The following APBB1IP variants were observed in gnomAD, a reference collection of about 807,000 sequenced individuals.
APBB1IP encodes amyloid beta A4 precursor protein-binding family B member 1-interacting protein.
In APBB1IP, 27 loss-of-function variants were observed where a neutral mutation model predicts 64.9. The ratio of observed to expected loss-of-function variants is 0.42; its 90% CI spans 0.31 to 0.57. The LOEUF (loss-of-function observed/expected upper bound fraction) is 0.57, where lower values mean the gene tolerates loss of function less well. APBB1IP is among the 20% of genes least tolerant of loss of function. The pLI, the probability that APBB1IP is intolerant of heterozygous loss-of-function variation, is 0.20. For synonymous variants in APBB1IP, 392 were observed against 331.0 expected (o/e 1.18, Z -2.00); for missense variants, 812 against 845.5 (o/e 0.96, Z 0.49).
chr10:26,471,492 C>T (rs188823993), intron 2 of APBB1IP, among the ~76,000 whole-genome samples: 2 of 152,194 alleles, frequency 1.3e-5, no homozygotes, highest in African/African-American at 2.4e-5. Flanking sequence ...CTAAGAAATG[C>T]AGGAAAAGAA....
Position 26,476,989 on chromosome 10 carries a change from C to CG in APBB1IP, c.1-15334dup, listed in dbSNP as rs1588577176. ...CTAATTTTTGTATTTTTAGTAGAGG[C>CG]GGGGTTTCACCATATTGGCCAGGCT... On this transcript the variant is annotated intron_variant, in intron 2 of 14. Coordinates refer to ENST00000376236, the MANE Select transcript of APBB1IP (RefSeq NM_019043.4). Among the ~76,000 whole-genome samples, 3 of 151,952 alleles carry CG rather than the reference C, an allele frequency of 2.0e-5. No individual in the cohort carries two copies. In the East Asian group the frequency reaches 5.8e-4, roughly 29 times the overall value.
At chr10:26,464,778 T>TAA (rs1196774531) in intron 2 of APBB1IP, among the ~76,000 whole-genome samples, 2 of 152,176 alleles carry the variant, frequency 1.3e-5, no homozygotes, top group African/African-American at 4.8e-5. Flanking sequence ...CCAAGTTAAG[T>TAA]AAGTTACTCA....
intron 8 of APBB1IP, among the ~76,000 whole-genome samples, chr10:26,516,484 C>T (rs1373289712): frequency 2.3e-5 from 3 of 131,562 alleles, no homozygotes; most frequent in Non-Finnish European, 3.1e-5. Context: ...GCAGAGGATG[C>T]AGTAAGCCGA....
chr10:26,562,588 T>C (rs1427474802), intron 14 of APBB1IP, among the ~76,000 whole-genome samples, 159 bp downstream of exon 14: 1 of 151,790 alleles, frequency 6.6e-6, no homozygotes, highest in Non-Finnish European at 1.5e-5. Flanking sequence ...TCACTTGAGC[T>C]TCAGTTTGAG....
At chr10:26,538,186 A>AATATATATAATGCAAACC (rs1373973707) in intron 10 of APBB1IP, among the ~76,000 whole-genome samples, 1 of 152,204 alleles carries the variant, frequency 6.6e-6, no homozygotes, top group East Asian at 1.9e-4. Flanking sequence ...TTACACAAAC[A>AATATATATAATGCAAACC]ATATATATAA....
intron 2 of APBB1IP, among the ~76,000 whole-genome samples, chr10:26,469,625 T>C (rs1377710069): frequency 2.6e-5 from 4 of 152,214 alleles, no homozygotes; most frequent in Non-Finnish European, 5.9e-5. Flanking sequence ...TTTAGATTCA[T>C]TGGATACGTG....
In APBB1IP at chr10:26,562,062, G is replaced by C. The variant is rs41279920; in HGVS notation, c.1370-264G>C. 4.8e-3 allele frequency: 1,781 copies of C among 367,276 alleles called. 12 individuals are homozygous for C. The highest frequency in any genetic ancestry group is 5.9e-3 in the Non-Finnish European group (1,137 of 193,846). The allele number at this position is 367,276 out of a possible 1,614,324, so 22.8% of individuals were successfully genotyped here. On this transcript the variant is annotated intron_variant, in intron 13 of 14. Transcript: ENST00000376236. ...TCCTCAGTGGGCTTTATCAAATACCGTACTCACCTTCCTGATCTTTTTGCT... is the reference window on the plus strand; with the variant it reads ...TCCTCAGTGGGCTTTATCAAATACCCTACTCACCTTCCTGATCTTTTTGCT...
Position 26,567,695 on chromosome 10 carries a change from A to C in APBB1IP, c.*207A>C. 1 of 1,221,574 alleles carries C rather than the reference A, an allele frequency of 8.2e-7. No homozygotes were observed. The highest frequency in any genetic ancestry group is 1.1e-6 in the Non-Finnish European group (1 of 947,210). The allele number at this position is 1,221,574 out of a possible 1,614,324, so 75.7% of individuals were successfully genotyped here. A position where few individuals can be genotyped will look rare whatever the true frequency, so the allele number is the denominator to read the frequency against. Reference sequence around the variant, plus strand: ...GTACATATCGTTCCCATGTATTTTAACCTAAATGGAATGTATCTTCCCTTC... The same window carrying C: ...GTACATATCGTTCCCATGTATTTTACCCTAAATGGAATGTATCTTCCCTTC... On this transcript the variant is annotated 3_prime_UTR_variant, in exon 15 of 15. Transcript: ENST00000376236.
intron 11 of APBB1IP, among the ~76,000 whole-genome samples, chr10:26,550,099 G>C (rs1024801550): frequency 1.3e-5 from 2 of 151,208 alleles, no homozygotes; most frequent in African/African-American, 4.9e-5. Flanking sequence ...GGCCTGCAAG[G>C]TTTCTGCTAA....
chr10:26,512,561 A>G (rs543551966), intron 7 of APBB1IP, among the ~76,000 whole-genome samples: 1 of 152,074 alleles, frequency 6.6e-6, no homozygotes, highest in Non-Finnish European at 1.5e-5. Flanking sequence ...GAATTTTTCA[A>G]AAGTGGAAAA....
intron 9 of APBB1IP, among the ~76,000 whole-genome samples, chr10:26,535,554 ATTCT>A (rs1836610654): frequency 1.3e-5 from 2 of 152,108 alleles, no homozygotes; most frequent in Admixed American, 1.3e-4. Context: ...GGTCTTATTC[ATTCT>A]TTCTATTTTT....
At chr10:26,479,663 G>C (rs1183257220) in intron 2 of APBB1IP, among the ~76,000 whole-genome samples, 1 of 152,168 alleles carries the variant, frequency 6.6e-6, no homozygotes, top group Non-Finnish European at 1.5e-5. Flanking sequence ...TAATCTTTAT[G>C]ATGATTAAAT....
intron 6 of APBB1IP, among the ~76,000 whole-genome samples, chr10:26,508,976 TC>T (rs1836219049): frequency 6.6e-6 from 1 of 152,254 alleles, no homozygotes; most frequent in Non-Finnish European, 1.5e-5. Flanking sequence ...ACATCATTAA[TC>T]TTTCCATCAG....
At chr10:26,458,235 A>C (rs1163544280) in intron 2 of APBB1IP, among the ~76,000 whole-genome samples, 1 of 152,190 alleles carries the variant, frequency 6.6e-6, no homozygotes, top group African/African-American at 2.4e-5. Context: ...TGAAAATATA[A>C]AAATTAGCTG....
intron 2 of APBB1IP, among the ~76,000 whole-genome samples, chr10:26,453,685 G>A (rs545379621): frequency 6.6e-6 from 1 of 152,150 alleles, no homozygotes; most frequent in South Asian, 2.1e-4. Flanking sequence ...AGGCCTCAAG[G>A]GACAGTTGCC....
rs766226916 is a variant in APBB1IP, at chr10:26,511,834, C to A, written c.619C>A (p.Leu207Ile). 18 of 1,614,172 alleles carry A rather than the reference C, an allele frequency of 1.1e-5. No homozygotes were observed. The highest frequency in any genetic ancestry group is 1.5e-5 in the Non-Finnish European group (18 of 1,180,026). Residue 207 changes from leucine (L) to isoleucine (I), a missense_variant, in exon 7 of 15, where the codon CTT becomes ATT. By Grantham distance (5) the Leu-to-Ile change is conservative. This residue lies in a region of APBB1IP where 394 missense variants were observed against 413.1 expected (regional missense o/e 0.95). Coordinates refer to ENST00000376236, the MANE Select transcript of APBB1IP (RefSeq NM_019043.4). ...RQLARDVLDN[L>I]FEKTHCDCNV... is the part of the protein sequence containing the mutation. The stretch of plus-strand genomic sequence containing the variant: ...GCTGGCCCGAGATGTTCTGGACAAC[C>A]TTTTCGAGAAAACTCATTGTGACTG...
At chr10:26,505,872 G>A (rs1342710733) in intron 6 of APBB1IP, among the ~76,000 whole-genome samples, 2 of 152,222 alleles carry the variant, frequency 1.3e-5, no homozygotes, top group Non-Finnish European at 2.9e-5. Flanking sequence ...AAAAGTCTCC[G>A]ATGTCTGACC....
At chr10:26,503,051 G>T in intron 5 of APBB1IP, 146 bp from the exon 6 acceptor site, 1 of 692,534 alleles carries the variant, frequency 1.4e-6, no homozygotes, top group East Asian at 2.7e-5. Flanking sequence ...CCTTTAAAAA[G>T]TAATTAATAA....
rs182083841 is a variant in APBB1IP, at chr10:26,525,455, G to A, written c.814-7984G>A. ...CTCTTGTTCTAGGGGTATCAGCCAT[G>A]ACCTCTGCAATGGGTGAGGAAAAGG... On this transcript the variant is annotated intron_variant, in intron 8 of 14. Coordinates refer to ENST00000376236, the MANE Select transcript of APBB1IP (RefSeq NM_019043.4). 9.3e-3 allele frequency among the ~76,000 whole-genome samples: 1,410 copies of A among 152,238 alleles called. 10 individuals are homozygous for A. Among genetic ancestry groups the A allele is most frequent in the Non-Finnish European group, 0.012 (840 of 68,022 alleles).
Sources: allele counts gnomAD v4.1 joint callset (sites outside exome capture counted in the v4.1 genomes callset), GRCh38; gene constraint gnomAD v4.1.1; regional missense constraint gnomAD v4.1.1; transcripts MANE v1.5; gene names NCBI Gene and HGNC (gene_info 2026-07-23, HGNC 2026-07-21).